TSPEAR: variants seen among roughly 807,000 people sequenced by gnomAD.
TSPEAR encodes thrombospondin-type laminin G domain and EAR repeat-containing protein.
Under a neutral mutation model 71.6 loss-of-function variants are expected in TSPEAR, and 69 were observed. The observed-to-expected ratio is 0.96, with a 90% CI of 0.79 to 1.18. The LOEUF (loss-of-function observed/expected upper bound fraction) is 1.18. Among genes scored for constraint, TSPEAR ranks in the 50% most tolerant of loss-of-function variants. TSPEAR has a pLI of 0.00. For synonymous variants in TSPEAR, 402 were observed against 387.2 expected (o/e 1.04, Z -0.45); for missense variants, 971 against 894.9 (o/e 1.09, Z -1.09).
intron 1 of TSPEAR, chr21:44,627,118 C>G: frequency 6.3e-7 from 1 of 1,582,922 alleles, no homozygotes; most frequent in Non-Finnish European, 8.6e-7. Flanking sequence ...CACTCACTGA[C>G]ACACTCACAC....
intron 1 of TSPEAR, among the ~76,000 whole-genome samples, chr21:44,660,922 G>A (rs781903096): frequency 3.3e-5 from 5 of 152,028 alleles, no homozygotes; most frequent in Non-Finnish European, 5.9e-5. Context: ...AGCCAAGATC[G>A]CACCACTGCA....
chr21:44,512,231 G>GCC (rs1319669883), intron 9 of TSPEAR, among the ~76,000 whole-genome samples: 1 of 152,112 alleles, frequency 6.6e-6, no homozygotes, highest in Admixed American at 6.5e-5. Context: ...TCACTGGGGA[G>GCC]CCGGAGGAGG....
chr21:44,599,134 T>TTCTCTCTCTCTCTCTC (rs58774528), intron 1 of TSPEAR, among the ~76,000 whole-genome samples: 7,113 of 92,048 alleles, frequency 0.077, 1,282 homozygotes, highest in Non-Finnish European at 0.11. Flanking sequence ...GGCCCCCATT[T>TTCTCTCTCTCTCTCTC]TCTCTCTCTC....
intron 9 of TSPEAR, chr21:44,519,772 C>G (rs1362742342): frequency 1.3e-5 from 2 of 152,302 alleles, no homozygotes; most frequent in African/African-American, 4.8e-5. Flanking sequence ...AAGCCCTCCA[C>G]CGTTCTGAGC....
intron 1 of TSPEAR, among the ~76,000 whole-genome samples, chr21:44,600,268 A>C (rs1980697011): frequency 6.6e-6 from 1 of 152,160 alleles, no homozygotes; most frequent in African/African-American, 2.4e-5. Flanking sequence ...TCTCTCCTGC[A>C]GCCAGCACAG....
rs782706786 is a variant in TSPEAR, at chr21:44,574,644, C to A, written c.83-6639G>T. 7.9e-7 allele frequency: 1 copy of A among 1,263,062 alleles called. No individual in the cohort carries two copies. The highest frequency in any genetic ancestry group is 3.3e-5 in the East Asian group (1 of 30,464). 78.2% of individuals were successfully genotyped at this position (1,263,062 alleles called of 1,614,324 possible). On this transcript the variant is annotated intron_variant, in intron 1 of 11. Transcript: ENST00000323084. ...GCCCATCTGCTCTGGGGCTTCCTCT[C>A]TGTGCTGCCAGCAGTCTAGCTGCCA...
At chr21:44,640,998 T>C (rs1203648652) in intron 1 of TSPEAR, among the ~76,000 whole-genome samples, 2 of 152,194 alleles carry the variant, frequency 1.3e-5, no homozygotes, top group Non-Finnish European at 2.9e-5. Flanking sequence ...AAGCTCTGGA[T>C]GCCAAGATGA....
At chr21:44,588,676 A>ATATATTTATTTATT (rs1555925987) in intron 1 of TSPEAR, among the ~76,000 whole-genome samples, 1 of 141,454 alleles carries the variant, frequency 7.1e-6, no homozygotes, top group African/African-American at 2.6e-5. Flanking sequence ...TATATATAAT[A>ATATATTTATTTATT]TATATATATT....
chr21:44,675,056 CTCT>C (rs1366015724), intron 1 of TSPEAR, among the ~76,000 whole-genome samples: 1 of 152,058 alleles, frequency 6.6e-6, no homozygotes, highest in African/African-American at 2.4e-5. Context: ...GAGGAGGGAA[CTCT>C]TCTTAACTCA....
intron 1 of TSPEAR, among the ~76,000 whole-genome samples, chr21:44,578,539 G>C (rs142258318): frequency 0.01 from 1,559 of 152,324 alleles, 16 homozygotes; most frequent in Middle Eastern, 0.017. Flanking sequence ...GAGGGTGCTA[G>C]GGATTAGGGG....
chr21:44,690,237 G>T (rs1987070708), intron 1 of TSPEAR, among the ~76,000 whole-genome samples: 1 of 152,240 alleles, frequency 6.6e-6, no homozygotes, highest in South Asian at 2.1e-4. Flanking sequence ...CCTGATGTGT[G>T]GGAGTCCCAC....
At chr21:44,527,186 C>A in intron 7 of TSPEAR, 106 bp downstream of exon 7, 1 of 1,058,030 alleles carries the variant, frequency 9.5e-7, no homozygotes, top group Non-Finnish European at 1.4e-6. Context: ...GAGGTGACAC[C>A]GTGAGAAACT....
At chr21:44,656,705 A>AT (rs1823606551) in intron 1 of TSPEAR, among the ~76,000 whole-genome samples, 1 of 152,086 alleles carries the variant, frequency 6.6e-6, no homozygotes, top group African/African-American at 2.4e-5. Context: ...GTAAGTTGTT[A>AT]TTTTTTAAAT....
At chr21:44,526,093 G>A (rs1175457178) in intron 7 of TSPEAR, 9 of 398,588 alleles carry the variant, frequency 2.3e-5, no homozygotes, top group Non-Finnish European at 4.1e-5. Flanking sequence ...GCTATCTGAA[G>A]GCAAAAACAC....
chr21:44,602,210 A>C, intron 1 of TSPEAR: 6 of 183,064 alleles, frequency 3.3e-5, no homozygotes, highest in East Asian at 1.4e-4. Context: ...ACAACCAAAG[A>C]CCCCTGCCTG....
chr21:44,583,724 C>T (rs1322046694), intron 1 of TSPEAR, among the ~76,000 whole-genome samples: 1 of 152,098 alleles, frequency 6.6e-6, no homozygotes, highest in Non-Finnish European at 1.5e-5. Context: ...CCCTTTTTCC[C>T]CAGCTTTATT....
At chr21:44,540,142 C>T (rs782148434) in intron 2 of TSPEAR, 21 of 1,612,844 alleles carry the variant, frequency 1.3e-5, no homozygotes, top group Middle Eastern at 1.7e-4. Context: ...ACATGGTGGA[C>T]GCGGCCATGC....
At chr21:44,647,441 C>A in intron 1 of TSPEAR, 2 of 1,447,406 alleles carry the variant, frequency 1.4e-6, no homozygotes, top group Non-Finnish European at 9.4e-7. Flanking sequence ...TCCTCAGAAT[C>A]CACCAGCTCC....
At chr21:44,631,701 G>A (rs1983267034) in intron 1 of TSPEAR, among the ~76,000 whole-genome samples, 1 of 152,190 alleles carries the variant, frequency 6.6e-6, no homozygotes, top group Admixed American at 6.5e-5. Context: ...ACTCCAGCCT[G>A]AATGACAGAG....
Sources: allele counts gnomAD v4.1 joint callset (sites outside exome capture counted in the v4.1 genomes callset), GRCh38; gene constraint gnomAD v4.1.1; transcripts MANE v1.5; gene names NCBI Gene and HGNC (gene_info 2026-07-23, HGNC 2026-07-21).